The following MYCBP2 variants were observed in gnomAD, a reference collection of about 807,000 sequenced individuals.
The protein encoded by MYCBP2 is MYC binding protein 2.
MYCBP2 carries 120 observed loss-of-function variants against 525.3 expected under a neutral mutation model. The observed-to-expected ratio is 0.23, with a 90% CI of 0.20 to 0.27. MYCBP2 has a LOEUF of 0.27. Ranked by LOEUF, MYCBP2 falls within the 10% of genes least tolerant of loss-of-function variation. MYCBP2 has a pLI of 1.00. For synonymous variants in MYCBP2, 1,894 were observed against 1,955.8 expected (o/e 0.97, Z 0.83); for missense variants, 4,149 against 5,657.1 (o/e 0.73, Z 8.55).
chr13:77,297,420 CAAG>C (rs2078305438), intron 1 of MYCBP2, among the ~76,000 whole-genome samples: 1 of 152,034 alleles, frequency 6.6e-6, no homozygotes, highest in Non-Finnish European at 1.5e-5. Context: ...AGTGATCTAA[CAAG>C]AGGATACTAC....
intron 1 of MYCBP2, among the ~76,000 whole-genome samples, chr13:77,324,338 AT>A (rs1163973010): frequency 2.6e-5 from 4 of 152,192 alleles, no homozygotes; most frequent in African/African-American, 9.6e-5. Context: ...TTCATTCTCT[AT>A]TATTGCTCCA....
intron 55 of MYCBP2, among the ~76,000 whole-genome samples, chr13:77,105,834 G>T (rs1555336774): frequency 6.6e-6 from 1 of 152,026 alleles, no homozygotes; most frequent in Non-Finnish European, 1.5e-5. Context: ...AATATTGTTT[G>T]CTTACTATAG....
intron 33 of MYCBP2, among the ~76,000 whole-genome samples, chr13:77,181,243 G>A (rs1218072925): frequency 1.3e-5 from 2 of 152,134 alleles, no homozygotes; most frequent in Non-Finnish European, 2.9e-5. Context: ...AATGATTTAT[G>A]TGAATGTTTC....
intron 60 of MYCBP2, 111 bp downstream of exon 60, chr13:77,089,995 C>T (rs1384655200): frequency 1.1e-6 from 1 of 875,168 alleles, no homozygotes; most frequent in African/African-American, 1.7e-5. Context: ...TAGAAATTAT[C>T]CCATGCCTTT....
At chr13:77,126,636 G>C in intron 52 of MYCBP2, 94 bp from the exon 53 acceptor site, 2 of 831,076 alleles carry the variant, frequency 2.4e-6, no homozygotes, top group Admixed American at 3.0e-5. Flanking sequence ...CAAGTCTACA[G>C]TACTGTCAAT....
At chr13:77,085,177 TTC>T (rs773357585) in intron 62 of MYCBP2, among the ~76,000 whole-genome samples, 7 of 152,128 alleles carry the variant, frequency 4.6e-5, no homozygotes, top group Non-Finnish European at 8.8e-5. Flanking sequence ...TTAAAATATT[TTC>T]TGTTATAATT....
chr13:77,095,412 A>G lies in MYCBP2; in HGVS notation c.10145T>C (p.Ile3382Thr), dbSNP rs761632005. 3.9e-5 allele frequency: 63 copies of G among 1,613,378 alleles called. No homozygotes were observed. Among genetic ancestry groups the G allele is most frequent in the Non-Finnish European group, 5.3e-5 (62 of 1,179,698 alleles). The change falls in exon 58 of 83, where the codon ATT becomes ACT. Residue 3382 changes from isoleucine (I) to threonine (T), a missense_variant. This residue lies in a region of MYCBP2 where 509 missense variants were observed against 789.4 expected (regional missense o/e 0.64). Coordinates refer to ENST00000544440, the MANE Select transcript of MYCBP2 (RefSeq NM_015057.5). ...QSQLPSVKEG[I>T]SEDLPVKMPC... ...CATTTTCACAGGAAGATCCTCAGAAATGCCTTCTTTTACACTGGGCAACTG... is the reference window on the plus strand; with the variant it reads ...CATTTTCACAGGAAGATCCTCAGAAGTGCCTTCTTTTACACTGGGCAACTG...
intron 68 of MYCBP2, among the ~76,000 whole-genome samples, chr13:77,073,039 A>G (rs1202661399): frequency 6.6e-6 from 1 of 152,198 alleles, no homozygotes; most frequent in Non-Finnish European, 1.5e-5. Flanking sequence ...TTTAAAGCAT[A>G]GAATTCAATG....
chr13:77,155,339 C>T (rs1175077216), intron 46 of MYCBP2, among the ~76,000 whole-genome samples: 6 of 152,054 alleles, frequency 3.9e-5, no homozygotes, highest in Non-Finnish European at 1.5e-5. Flanking sequence ...GATTTTGTGG[C>T]TTAATCAGCT....
At chr13:77,199,279 C>T (rs2062148038) in intron 26 of MYCBP2, among the ~76,000 whole-genome samples, 1 of 152,216 alleles carries the variant, frequency 6.6e-6, no homozygotes, top group Non-Finnish European at 1.5e-5. Flanking sequence ...AAAGGGGTGA[C>T]AGACGGCACC....
chr13:77,301,300 C>T lies in MYCBP2; in HGVS notation c.303-4626G>A, dbSNP rs898193592. Among the ~76,000 whole-genome samples, 3 of 151,858 alleles carry T rather than the reference C, an allele frequency of 2.0e-5. No individual in the cohort carries two copies. In the East Asian group the frequency reaches 5.8e-4, roughly 29 times the overall value. On this transcript the variant is annotated intron_variant, in intron 1 of 82. Coordinates refer to ENST00000544440, the MANE Select transcript of MYCBP2 (RefSeq NM_015057.5). ...GTATGGTGGTGCACGCCTGCAATCCCAGCAACTAGGGAGGCGGAGGCAGGA... is the reference window on the plus strand; with the variant it reads ...GTATGGTGGTGCACGCCTGCAATCCTAGCAACTAGGGAGGCGGAGGCAGGA...
intron 55 of MYCBP2, among the ~76,000 whole-genome samples, chr13:77,110,791 C>T (rs554800950): frequency 3.9e-5 from 6 of 152,146 alleles, no homozygotes; most frequent in South Asian, 2.1e-4. Flanking sequence ...ATATTGGGGG[C>T]GGGTTCCCCC....
At position 77,174,477 on chromosome 13, in the gene MYCBP2, A is replaced by G; in HGVS notation, c.5485T>C (p.Tyr1829His). ...KVVPLKENVK[Y>H]AVRLRNYGSR... ...CCATAGTTCCTCAAGCGCACAGCAT[A>G]TTTAACATTTTCCTTCATTATAAAG... Residue 1829 changes from tyrosine to histidine, a missense_variant, in exon 37 of 83, where the codon TAT becomes CAT. Tyr to His is a moderately conservative substitution (Grantham distance 83, BLOSUM62 2). Transcript: ENST00000544440. 1 of 1,613,438 alleles carries G rather than the reference A, an allele frequency of 6.2e-7. No individual in the cohort carries two copies. The highest frequency in any genetic ancestry group is 8.5e-7 in the Non-Finnish European group (1 of 1,179,470).
At chr13:77,219,508 CAAAAT>C (rs1284256566) in intron 20 of MYCBP2, among the ~76,000 whole-genome samples, 3 of 149,470 alleles carry the variant, frequency 2.0e-5, no homozygotes, top group Non-Finnish European at 4.5e-5. Flanking sequence ...AAAGGTGACT[CAAAAT>C]AAAGACGCTA....
chr13:77,248,326 C>A (rs1469977123), intron 15 of MYCBP2, among the ~76,000 whole-genome samples: 3 of 151,970 alleles, frequency 2.0e-5, no homozygotes, highest in East Asian at 1.9e-4. Flanking sequence ...AGTAAAAACA[C>A]AACCCACAGA....
chr13:77,202,718 T>C (rs1049420953), intron 26 of MYCBP2, among the ~76,000 whole-genome samples: 1 of 152,108 alleles, frequency 6.6e-6, no homozygotes, highest in African/African-American at 2.4e-5. Flanking sequence ...GCTTCATCCC[T>C]GGGATGCAAG....
intron 17 of MYCBP2, among the ~76,000 whole-genome samples, chr13:77,235,320 T>C (rs924722511): frequency 6.6e-6 from 1 of 151,894 alleles, no homozygotes; most frequent in Non-Finnish European, 1.5e-5. Context: ...TTTCAAAGAA[T>C]GACAAAAAGT....
intron 21 of MYCBP2, among the ~76,000 whole-genome samples, chr13:77,213,429 C>A (rs1434807324): frequency 1.3e-5 from 2 of 151,922 alleles, no homozygotes; most frequent in East Asian, 3.9e-4. Context: ...GAGCTGAGAT[C>A]ATCATGCCAC....
At chr13:77,285,642 C>T (rs2076646943) in intron 3 of MYCBP2, among the ~76,000 whole-genome samples, 1 of 152,010 alleles carries the variant, frequency 6.6e-6, no homozygotes, top group African/African-American at 2.4e-5. Flanking sequence ...CAAAATTAGC[C>T]AGGCGCGGTG....
Sources: allele counts gnomAD v4.1 joint callset (sites outside exome capture counted in the v4.1 genomes callset), GRCh38; gene constraint gnomAD v4.1.1; regional missense constraint gnomAD v4.1.1; transcripts MANE v1.5; gene names NCBI Gene and HGNC (gene_info 2026-07-23, HGNC 2026-07-21).